The following SLC36A4 variants were observed in gnomAD, a reference collection of about 807,000 sequenced individuals.
The protein encoded by SLC36A4 is solute carrier family 36 member 4.
Under a neutral mutation model 50.5 loss-of-function variants are expected in SLC36A4, and 49 were observed. The ratio of observed to expected loss-of-function variants is 0.97; its 90% CI spans 0.77 to 1.23. The LOEUF (loss-of-function observed/expected upper bound fraction) is 1.23, where lower values mean the gene tolerates loss of function less well. Ranked by LOEUF, SLC36A4 falls within the 50% of genes most tolerant of loss-of-function variation. The pLI is 0.00. For missense variants in SLC36A4, 611 were observed against 608.4 expected (o/e 1.00, Z -0.05); for synonymous variants, 207 against 206.5 (o/e 1.00, Z -0.02).
intron 9 of SLC36A4, among the ~76,000 whole-genome samples, chr11:93,162,084 G>T (rs373759888): frequency 6.6e-6 from 1 of 151,914 alleles, no homozygotes; most frequent in Non-Finnish European, 1.5e-5. Context: ...ATTAGGAAGC[G>T]TGAGTGTTTG....
rs145342333 is a variant in SLC36A4 at position 93,157,104 on chromosome 11, C to G, written c.1038-2827G>C. Among the ~76,000 whole-genome samples the G allele has an allele frequency of 2.7e-3, 407 of 152,232 alleles. 4 individuals are homozygous for G. The highest frequency in any genetic ancestry group is 4.8e-3 in the Non-Finnish European group (324 of 67,998). On this transcript the variant is annotated intron_variant, in intron 9 of 10. Coordinates refer to ENST00000326402, the MANE Select transcript of SLC36A4 (RefSeq NM_152313.4). Reference sequence around the variant, plus strand: ...AGCACCATTTATTGAATAGCGAATCCTTTCCCCATTGCTTGTTTTTGTCAG... The same window carrying G: ...AGCACCATTTATTGAATAGCGAATCGTTTCCCCATTGCTTGTTTTTGTCAG...
At chr11:93,197,650 G>A in intron 1 of SLC36A4, 128 bp downstream of exon 1, 1 of 1,020,052 alleles carries the variant, frequency 9.8e-7, no homozygotes, top group East Asian at 2.8e-5. Context: ...TGCTGACCAC[G>A]GGGTCAGTTA....
At position 93,162,701 on chromosome 11, in the gene SLC36A4, C is replaced by G. The variant is rs1402066849; in HGVS notation, c.1037+5G>C. On this transcript the variant is annotated splice_donor_5th_base_variant and intron_variant, in intron 9 of 10. Transcript: ENST00000326402. Reference sequence around the variant, plus strand: ...ACTAATATTGACAAATTCATATACACCTACCATACATCTTGGGGAAGATTT... The same window carrying G: ...ACTAATATTGACAAATTCATATACAGCTACCATACATCTTGGGGAAGATTT... 1.2e-6 allele frequency: 2 copies of G among 1,600,386 alleles called. No individual in the cohort carries two copies. Among genetic ancestry groups the G allele is most frequent in the African/African-American group, 2.7e-5 (2 of 74,118 alleles).
At chr11:93,193,611 C>T (rs1031916654) in intron 1 of SLC36A4, among the ~76,000 whole-genome samples, 1 of 152,060 alleles carries the variant, frequency 6.6e-6, no homozygotes, top group Non-Finnish European at 1.5e-5. Flanking sequence ...AGGTGTATTA[C>T]ATAGTACACC....
At chr11:93,155,485 G>A (rs925773030) in intron 9 of SLC36A4, 1 of 151,944 alleles carries the variant, frequency 6.6e-6, no homozygotes, top group Non-Finnish European at 1.5e-5. Context: ...CATTAATGAA[G>A]CTTTAAGTAT....
chr11:93,163,478 G>C (rs952317385), intron 8 of SLC36A4, among the ~76,000 whole-genome samples: 7 of 152,206 alleles, frequency 4.6e-5, no homozygotes, highest in East Asian at 3.9e-4. Flanking sequence ...CTCCATTTAG[G>C]TTTTTCTGAG....
chr11:93,178,472 C>T (rs909487253), intron 6 of SLC36A4, among the ~76,000 whole-genome samples: 5 of 152,182 alleles, frequency 3.3e-5, no homozygotes, highest in African/African-American at 1.2e-4. Context: ...TCTTCTGTGT[C>T]GCTCAAGCTT....
intron 6 of SLC36A4, among the ~76,000 whole-genome samples, chr11:93,172,514 T>C (rs908937647): frequency 4.0e-5 from 6 of 151,416 alleles, no homozygotes; most frequent in African/African-American, 1.2e-4. Context: ...GTTACATATT[T>C]ATACATGTGC....
At chr11:93,170,548 G>T (rs970113955) in intron 6 of SLC36A4, among the ~76,000 whole-genome samples, 1 of 152,040 alleles carries the variant, frequency 6.6e-6, no homozygotes, top group Non-Finnish European at 1.5e-5. Flanking sequence ...GATAAGGGGG[G>T]TTTGCCCAAT....
intron 6 of SLC36A4, chr11:93,180,153 A>T: frequency 3.1e-6 from 3 of 976,660 alleles, no homozygotes; most frequent in Non-Finnish European, 3.6e-6. Flanking sequence ...AAAGAAGAGC[A>T]GGGGATAATG....
intron 5 of SLC36A4, 33 bp from the exon 6 acceptor site, chr11:93,180,914 G>A (rs375753001): frequency 3.1e-5 from 42 of 1,341,394 alleles, no homozygotes; most frequent in Non-Finnish European, 4.3e-5. Context: ...GAGTATCCAG[G>A]AGAGCTACTG....
At chr11:93,181,821 G>A (rs1484405349) in intron 4 of SLC36A4, 35 bp from the exon 5 acceptor site, 1 of 1,487,278 alleles carries the variant, frequency 6.7e-7, no homozygotes, top group Non-Finnish European at 9.0e-7. Context: ...AAGGAAAAAA[G>A]AAAAATTTTA....
rs1859907134 is a variant in SLC36A4, at chr11:93,147,944, C to T, written c.*593G>A. On this transcript the variant is annotated 3_prime_UTR_variant, in exon 11 of 11. Transcript: ENST00000326402. ...GCCTCTTGACTATGAAGATCAACTA[C>T]CATTAGAGTGTAAAATTAATTCTAG... The T allele has an allele frequency of 6.6e-6, 1 of 152,304 alleles. No homozygotes were observed. Among genetic ancestry groups the T allele is most frequent in the African/African-American group, 2.4e-5 (1 of 41,422 alleles). The allele number at this position is 152,304 out of a possible 1,614,324, so 9.4% of individuals were successfully genotyped here. A position where few individuals can be genotyped will look rare whatever the true frequency, so the allele number is the denominator to read the frequency against.
chr11:93,156,683 C>G (rs1860380661), intron 9 of SLC36A4, among the ~76,000 whole-genome samples: 1 of 151,962 alleles, frequency 6.6e-6, no homozygotes, highest in Admixed American at 6.6e-5. Context: ...CTCCCAAGCC[C>G]TTTGCCCACT....
At chr11:93,160,735 C>A (rs1304262863) in intron 9 of SLC36A4, 2 of 983,420 alleles carry the variant, frequency 2.0e-6, no homozygotes, top group African/African-American at 1.8e-5. Flanking sequence ...TAAATAAGAC[C>A]GGGAAAGAAT....
chr11:93,161,575 T>C (rs1023583004), intron 9 of SLC36A4, among the ~76,000 whole-genome samples: 11 of 152,204 alleles, frequency 7.2e-5, no homozygotes, highest in African/African-American at 2.4e-4. Context: ...CTCCAATAAA[T>C]GCCCAGGATT....
Position 93,146,575 on chromosome 11 carries a change from C to A in SLC36A4, c.*1962G>T, listed in dbSNP as rs772243407. 2.6e-5 allele frequency: 4 copies of A among 151,862 alleles called. No homozygotes were observed. Among genetic ancestry groups the A allele is most frequent in the East Asian group, 1.9e-4 (1 of 5,166 alleles). The allele number at this position is 151,862 out of a possible 1,614,324, so 9.4% of individuals were successfully genotyped here. A position where few individuals can be genotyped will look rare whatever the true frequency, so the allele number is the denominator to read the frequency against. ...TACCAAAATAAAGCTTCTGATATAT[C>A]TTTAGGATTGTATTTGATGATCAGT... On this transcript the variant is annotated 3_prime_UTR_variant, in exon 11 of 11. Coordinates refer to ENST00000326402, the MANE Select transcript of SLC36A4 (RefSeq NM_152313.4).
At chr11:93,167,082 A>T (rs1042094397) in intron 7 of SLC36A4, 3 of 152,142 alleles carry the variant, frequency 2.0e-5, no homozygotes, top group African/African-American at 7.2e-5. Context: ...GAAAGCCTAT[A>T]TGAACTTCCT....
chr11:93,170,262 G>A (rs1861067265), intron 6 of SLC36A4: 1 of 151,902 alleles, frequency 6.6e-6, no homozygotes, highest in Non-Finnish European at 1.5e-5. Context: ...AAATTCAGTT[G>A]TTTCCATTTG....
Sources: gnomAD v4.1 joint callset for allele counts (sites outside exome capture counted in the v4.1 genomes callset) on GRCh38, gnomAD v4.1.1 for gene constraint, MANE v1.5 for transcripts, NCBI Gene and HGNC (gene_info 2026-07-23, HGNC 2026-07-21) for gene names.